Variants in SRGAP3 observed in about 807,000 individuals in gnomAD.
SRGAP3 encodes the protein SLIT-ROBO Rho GTPase activating protein 3, also known as SLIT-ROBO Rho GTPase-activating protein 3.
Under a neutral mutation model 121.1 loss-of-function variants are expected in SRGAP3, and 39 were observed. The observed-to-expected ratio is 0.32, with a 90% confidence interval of 0.25 to 0.42. SRGAP3 has a LOEUF of 0.42. Among genes scored for constraint, SRGAP3 ranks in the 10% least tolerant of loss-of-function variants. The probability of loss-of-function intolerance (pLI) is 1.00; values close to 1 mark genes in which losing one functional copy is unlikely to be tolerated. For missense variants in SRGAP3, 1,213 were observed against 1,470.6 expected, an observed-to-expected ratio of 0.82 and a Z score of 2.86; for synonymous variants, 601 against 570.0, an observed-to-expected ratio of 1.05 and a Z score of -0.77.
At position 9,124,817 on chromosome 3, in the gene SRGAP3, T is replaced by C; in HGVS notation, c.168A>G (p.Lys56=). The change falls in exon 2 of 22, where the codon AAA becomes AAG. Residue 56 remains lysine, a synonymous_variant. Coordinates refer to ENST00000383836, the MANE Select transcript of SRGAP3 (RefSeq NM_014850.4). ...GGGAGTACTCGAGCTCAATCTCAGC[T>C]TTCCGGCGGAAAAACTCCTGGAGGT... ...LQDLQEFFRR[K]AEIELEYSRS... 1 of 1,614,246 alleles carries C rather than the reference T, an allele frequency of 6.2e-7. No individual in the cohort carries two copies. The highest frequency in any genetic ancestry group is 8.5e-7 in the Non-Finnish European group (1 of 1,180,052).
intron 11 of SRGAP3, chr3:9,037,795 A>G: frequency 5.3e-6 from 3 of 566,374 alleles, no homozygotes; most frequent in Non-Finnish European, 3.2e-6. Flanking sequence ...CCCGATGGCC[A>G]GCGCAAAGGG....
chr3:9,269,258 C>T (rs886978880), intron 3 of SRGAP3, among the ~76,000 whole-genome samples: 4 of 152,234 alleles, frequency 2.6e-5, no homozygotes, highest in Admixed American at 6.5e-5. Flanking sequence ...TCAATAGGCA[C>T]TTCCCAAGGA....
chr3:9,230,385 A>G (rs894609280), intron 1 of SRGAP3, among the ~76,000 whole-genome samples: 5 of 152,228 alleles, frequency 3.3e-5, no homozygotes, highest in African/African-American at 1.2e-4. Flanking sequence ...CTGGATGGGC[A>G]TGCTCACATC....
At chr3:9,186,775 A>G (rs1951606596) in intron 1 of SRGAP3, among the ~76,000 whole-genome samples, 1 of 152,024 alleles carries the variant, frequency 6.6e-6, no homozygotes, top group Non-Finnish European at 1.5e-5. Context: ...ATTGAAATCT[A>G]CTCAATTTGA....
At chr3:9,281,151 C>T (rs2125265348) in intron 3 of SRGAP3, among the ~76,000 whole-genome samples, 1 of 152,302 alleles carries the variant, frequency 6.6e-6, no homozygotes, top group East Asian at 1.9e-4. Flanking sequence ...CACAAAGCCA[C>T]TGAAATCCCA....
intron 4 of SRGAP3, among the ~76,000 whole-genome samples, chr3:9,072,521 G>C (rs1456228334): frequency 2.0e-5 from 3 of 152,218 alleles, no homozygotes; most frequent in Non-Finnish European, 4.4e-5. Context: ...TCCGTCCCTG[G>C]ATGACACTGT....
intron 3 of SRGAP3, among the ~76,000 whole-genome samples, chr3:9,288,130 G>GTTTTTTTTTTTTTTTTTTTTTTTTT (rs57076828): frequency 3.4e-5 from 4 of 119,102 alleles, no homozygotes; most frequent in African/African-American, 3.2e-5. Flanking sequence ...TTCTATCTTT[G>GTTTTTTTTTTTTTTTTTTTTTTTTT]TTTTTTTTTT....
In SRGAP3 at chr3:9,017,763, C is replaced by T. The variant is rs1943712167; in HGVS notation, c.1679-2032G>A. ...TAACATTTTAAATATTTATGGTGTA[C>T]ATGTAACTGTTAGATGCATAGAATG... is the stretch of plus-strand genomic sequence containing the variant. On this transcript the variant is annotated intron_variant, in intron 14 of 21. Transcript: ENST00000383836. 2.0e-5 allele frequency among the ~76,000 whole-genome samples: 3 copies of T among 152,080 alleles called. No homozygotes were observed. In the South Asian group the frequency reaches 6.2e-4, roughly 31 times the overall value.
chr3:9,259,316 T>C (rs1241044224), intron 3 of SRGAP3, among the ~76,000 whole-genome samples: 3 of 152,116 alleles, frequency 2.0e-5, no homozygotes, highest in Non-Finnish European at 4.4e-5. Flanking sequence ...TCATGCCCTG[T>C]CACCCAGGCT....
chr3:9,090,561 C>T (rs998885924), intron 3 of SRGAP3, among the ~76,000 whole-genome samples: 3 of 152,162 alleles, frequency 2.0e-5, no homozygotes, highest in Non-Finnish European at 4.4e-5. Flanking sequence ...GATCATCATG[C>T]TTTTTAGGGA....
chr3:9,019,104 T>A (rs902381735), intron 14 of SRGAP3, among the ~76,000 whole-genome samples: 2 of 152,210 alleles, frequency 1.3e-5, no homozygotes, highest in Non-Finnish European at 2.9e-5. Flanking sequence ...ATTTATACAA[T>A]CAATCTCTTA....
chr3:9,245,871 T>C (rs1233831425), intron 1 of SRGAP3, among the ~76,000 whole-genome samples: 6 of 151,636 alleles, frequency 4.0e-5, no homozygotes. Context: ...TTGCAGTGAG[T>C]CAAGATGACA....
intron 1 of SRGAP3, among the ~76,000 whole-genome samples, chr3:9,345,771 G>A (rs1207235653): frequency 6.8e-5 from 8 of 118,052 alleles, no homozygotes; most frequent in Non-Finnish European, 1.3e-4. Flanking sequence ...GGGTGACAGA[G>A]CAAGACTCCA....
At chr3:9,248,148 G>A (rs1953892089) in intron 1 of SRGAP3, among the ~76,000 whole-genome samples, 1 of 152,230 alleles carries the variant, frequency 6.6e-6, no homozygotes, top group Admixed American at 6.5e-5. Context: ...GCCAGGCAGC[G>A]CTGACCAGCC....
At chr3:9,169,335 A>G (rs1950896346) in intron 1 of SRGAP3, among the ~76,000 whole-genome samples, 1 of 152,204 alleles carries the variant, frequency 6.6e-6, no homozygotes, top group Non-Finnish European at 1.5e-5. Flanking sequence ...GGCAGATTGT[A>G]AAAACATTAT....
chr3:9,051,867 C>T (rs1467518426), intron 9 of SRGAP3, among the ~76,000 whole-genome samples: 1 of 152,122 alleles, frequency 6.6e-6, no homozygotes, highest in African/African-American at 2.4e-5. Context: ...TGCACGCCAC[C>T]ACACCCAGCT....
At chr3:9,075,755 G>C (rs549996412) in intron 4 of SRGAP3, among the ~76,000 whole-genome samples, 1 of 152,332 alleles carries the variant, frequency 6.6e-6, no homozygotes, top group African/African-American at 2.4e-5. Flanking sequence ...TTGTTCCTCA[G>C]TGACTGTGGT....
At chr3:9,026,832 G>T in intron 13 of SRGAP3, 103 bp downstream of exon 13, 2 of 1,291,986 alleles carry the variant, frequency 1.5e-6, no homozygotes, top group Non-Finnish European at 2.3e-6. Flanking sequence ...GCAGAGCTGT[G>T]ACGGGAAGTC....
chr3:9,161,962 C>T lies in SRGAP3; in HGVS notation c.68-37045G>A, dbSNP rs548546344. Among the ~76,000 whole-genome samples the T allele has an allele frequency of 3.6e-4, 55 of 152,292 alleles. 1 individual carries two copies. The South Asian group carries it at 0.011, about 29-fold the overall frequency. The stretch of plus-strand genomic sequence containing the variant: ...ACTGGATGAACAAGGTGTGCTATAT[C>T]CACATAGTGGAATAGTCTTCATCCT... On this transcript the variant is annotated intron_variant, in intron 1 of 21. Transcript: ENST00000383836.
Sources: allele counts gnomAD v4.1 joint callset (sites outside exome capture counted in the v4.1 genomes callset), GRCh38; gene constraint gnomAD v4.1.1; transcripts MANE v1.5; gene names NCBI Gene and HGNC (gene_info 2026-07-23, HGNC 2026-07-21).